Variants in RNF19A observed in about 807,000 individuals in gnomAD.
The protein encoded by RNF19A is ring finger protein 19A, RBR E3 ubiquitin protein ligase, also known as E3 ubiquitin-protein ligase RNF19A.
Under a neutral mutation model 75.7 loss-of-function variants are expected in RNF19A, and 32 were observed. The ratio of observed to expected loss-of-function variants is 0.42; its 90% CI spans 0.32 to 0.57. The LOEUF (loss-of-function observed/expected upper bound fraction) is 0.57. Ranked by LOEUF, RNF19A falls within the 20% of genes least tolerant of loss-of-function variation. The pLI is 0.10. For synonymous variants in RNF19A, 335 were observed against 345.2 expected, an observed-to-expected ratio of 0.97 and a Z score of 0.33; for missense variants, 782 against 1,036.3, an observed-to-expected ratio of 0.75 and a Z score of 3.37.
intron 1 of RNF19A, among the ~76,000 whole-genome samples, chr8:100,291,967 CTT>C (rs56737985): frequency 0.098 from 9,807 of 99,794 alleles, 285 homozygotes; most frequent in South Asian, 0.18. Flanking sequence ...AGGACTAAGT[CTT>C]TTTTTTTTTT....
chr8:100,267,982 A>T lies in RNF19A; in HGVS notation c.1191+803T>A, dbSNP rs1820066516. Among the ~76,000 whole-genome samples the T allele has an allele frequency of 3.9e-5, 6 of 152,066 alleles. No individual in the cohort carries two copies. The South Asian group carries it at 1.2e-3, about 32-fold the overall frequency. On this transcript the variant is annotated intron_variant, in intron 5 of 9. Transcript: ENST00000341084. ...GGTGAGGCACCGCACCTGGCCTGTTAGTTCCCTTTTTGAAAATTGCTATCC... is the reference window on the plus strand; with the variant it reads ...GGTGAGGCACCGCACCTGGCCTGTTTGTTCCCTTTTTGAAAATTGCTATCC...
rs1028580338 is a variant in RNF19A, at chr8:100,287,117, TAAAG to T, written c.674+380_674+383del. 6.6e-6 allele frequency among the ~76,000 whole-genome samples: 1 copy of T among 151,784 alleles called. No homozygotes were observed. Among genetic ancestry groups the T allele is most frequent in the Non-Finnish European group, 1.5e-5 (1 of 67,910 alleles). ...AACATGTCAACAAAGAGAAAAAAAA[TAAAG>T]AAGGTCATTTGAATTTATGACCACA... is the stretch of plus-strand genomic sequence containing the variant. On this transcript the variant is annotated intron_variant, in intron 2 of 9. Transcript: ENST00000341084. This position sits in a 1 kb window ranked among gnomAD's most constrained non-coding sequence, Gnocchi z 4.1.
upstream of RNF19A, chr8:100,312,236 C>A (rs1428991278): frequency 6.6e-6 from 1 of 152,244 alleles, no homozygotes; most frequent in Non-Finnish European, 1.5e-5. Flanking sequence ...GCTGCATATT[C>A]TTATGTCCAC....
In RNF19A at chr8:100,325,687, A is replaced by G. The variant is rs918149012; in HGVS notation, c.-243+10421T>C. On this transcript the variant is annotated intron_variant, in intron 1 of 3. Coordinates refer to the RNF19A transcript ENST00000519527. The surrounding 1 kb of genome is among the most constrained non-coding windows in gnomAD (Gnocchi z 4.3). ...AACTTAACAGACCGATTATCTAGTC[A>G]TTGTTATCAACCTCAATATTGCAGA... Among the ~76,000 whole-genome samples the G allele has an allele frequency of 1.3e-5, 2 of 152,130 alleles. No homozygotes were observed. The highest frequency in any genetic ancestry group is 4.8e-5 in the African/African-American group (2 of 41,420).
At chr8:100,288,508 C>T (rs1294637135) in intron 1 of RNF19A, among the ~76,000 whole-genome samples, 7 of 152,128 alleles carry the variant, frequency 4.6e-5, no homozygotes, top group Non-Finnish European at 1.0e-4. Flanking sequence ...GAAAAAACTT[C>T]TGGTCATTAT....
chr8:100,326,509 G>A (rs1448390367), intron 1 of RNF19A, among the ~76,000 whole-genome samples: 1 of 152,124 alleles, frequency 6.6e-6, no homozygotes, highest in Admixed American at 6.5e-5. Context: ...GCCAGTCCCT[G>A]CCCTAACAGA....
intron 1 of RNF19A, among the ~76,000 whole-genome samples, chr8:100,291,641 GC>G (rs1341062860): frequency 6.6e-6 from 1 of 152,150 alleles, no homozygotes; most frequent in Non-Finnish European, 1.5e-5. Context: ...AGAAGGCAGG[GC>G]AAAAAGTTTG....
chr8:100,274,309 C>T (rs1395854414), intron 3 of RNF19A, among the ~76,000 whole-genome samples: 3 of 152,190 alleles, frequency 2.0e-5, no homozygotes, highest in Non-Finnish European at 4.4e-5. Flanking sequence ...CTTCAGGGAA[C>T]AGTTTAGGTA....
intron 1 of RNF19A, among the ~76,000 whole-genome samples, chr8:100,293,389 G>C (rs868455145): frequency 6.6e-5 from 10 of 152,320 alleles, no homozygotes; most frequent in Middle Eastern, 3.4e-3. Context: ...ACTCCAGGTT[G>C]ATATCTTTAT....
chr8:100,329,919 T>G lies in RNF19A; in HGVS notation c.-243+6189A>C, dbSNP rs1324130554. 1.3e-5 allele frequency among the ~76,000 whole-genome samples: 2 copies of G among 152,180 alleles called. No individual in the cohort carries two copies. Among genetic ancestry groups the G allele is most frequent in the Non-Finnish European group, 1.5e-5 (1 of 68,036 alleles). Reference sequence around the variant, plus strand: ...CCATACATTTGCACAAATGAAAAATTTAAATACTTTCCAAAATCATGAACT... The same window carrying G: ...CCATACATTTGCACAAATGAAAAATGTAAATACTTTCCAAAATCATGAACT... On this transcript the variant is annotated intron_variant, in intron 1 of 3. Transcript: ENST00000519527. This position sits in a 1 kb window ranked among gnomAD's most constrained non-coding sequence, Gnocchi z 4.3.
chr8:100,311,712 C>G (rs1432158806), upstream of RNF19A, among the ~76,000 whole-genome samples: 3 of 74,756 alleles, frequency 4.0e-5, no homozygotes, highest in Non-Finnish European at 7.6e-5. Context: ...AGCGAGACTC[C>G]GTCTCAAAAA....
chr8:100,310,244 C>G (rs1050337767), upstream of RNF19A: 199 of 985,036 alleles, frequency 2.0e-4, 1 homozygote, highest in East Asian at 3.4e-4. Flanking sequence ...CGGCTCTGGA[C>G]GCGGCTGTTC....
rs1586610318 is a variant in RNF19A at position 100,269,793 on chromosome 8, C to A, written c.1028+76G>T. 2 of 1,218,838 alleles carry A rather than the reference C, an allele frequency of 1.6e-6. No homozygotes were observed. The highest frequency in any genetic ancestry group is 5.9e-5 in the East Asian group (2 of 33,658). 75.5% of individuals were successfully genotyped at this position (1,218,838 alleles called of 1,614,324 possible). A position where few individuals can be genotyped will look rare whatever the true frequency, so the allele number is the denominator to read the frequency against. On this transcript the variant is annotated intron_variant, in intron 4 of 9. Transcript: ENST00000341084. The surrounding 1 kb of genome is among the most constrained non-coding windows in gnomAD (Gnocchi z 5.7). ...ATCCCTTTAAGTATCTTATAAAACC[C>A]AAATTTAAGACAAGTTATTTTGTCT...
chr8:100,283,056 A>G (rs1234506691), intron 2 of RNF19A, among the ~76,000 whole-genome samples: 1 of 152,210 alleles, frequency 6.6e-6, no homozygotes, highest in Admixed American at 6.5e-5. Flanking sequence ...TGGTTCCAAA[A>G]ACAAAAAGGA....
intron 1 of RNF19A, among the ~76,000 whole-genome samples, chr8:100,321,280 A>T (rs1001085100): frequency 2.0e-5 from 3 of 152,240 alleles, no homozygotes; most frequent in Admixed American, 2.0e-4. Flanking sequence ...AGTTTATGAA[A>T]TCTTCTGAAT....
Position 100,324,823 on chromosome 8 carries a change from T to G in RNF19A, c.-243+11285A>C, listed in dbSNP as rs1490141981. ...TTCTCTTTCTTCTTCCTTCCTTCCTTCCTTCCTCCTTCTTCCTCCCTCCCT... is the reference window on the plus strand; with the variant it reads ...TTCTCTTTCTTCTTCCTTCCTTCCTGCCTTCCTCCTTCTTCCTCCCTCCCT... On this transcript the variant is annotated intron_variant, in intron 1 of 3. Transcript: ENST00000519527. This position sits in a 1 kb window ranked among gnomAD's most constrained non-coding sequence, Gnocchi z 4.2. Among the ~76,000 whole-genome samples the G allele has an allele frequency of 6.6e-6, 1 of 151,902 alleles. No individual in the cohort carries two copies. The highest frequency in any genetic ancestry group is 1.5e-5 in the Non-Finnish European group (1 of 67,948).
At chr8:100,279,779 A>C (rs1001146046) in intron 2 of RNF19A, among the ~76,000 whole-genome samples, 2 of 151,964 alleles carry the variant, frequency 1.3e-5, no homozygotes, top group African/African-American at 4.8e-5. Context: ...CGCCCACCTC[A>C]GCCTCCCAAA....
In RNF19A at chr8:100,269,744, A is replaced by G; in HGVS notation, c.1028+125T>C. On this transcript the variant is annotated intron_variant, in intron 4 of 9. Transcript: ENST00000341084. The surrounding 1 kb of genome is among the most constrained non-coding windows in gnomAD (Gnocchi z 5.7). ...AGCATAATAACTTGGTTTCTTTTAAATTTATTTAACTAGAATAAAACCAAT... is the reference window on the plus strand; with the variant it reads ...AGCATAATAACTTGGTTTCTTTTAAGTTTATTTAACTAGAATAAAACCAAT... 1 of 634,404 alleles carries G rather than the reference A, an allele frequency of 1.6e-6. No homozygotes were observed. The highest frequency in any genetic ancestry group is 2.5e-6 in the Non-Finnish European group (1 of 405,528). 39.3% of individuals were successfully genotyped at this position (634,404 alleles called of 1,614,324 possible). A position where few individuals can be genotyped will look rare whatever the true frequency, so the allele number is the denominator to read the frequency against.
At chr8:100,303,555 A>G (rs545025965) in intron 1 of RNF19A, among the ~76,000 whole-genome samples, 5 of 152,144 alleles carry the variant, frequency 3.3e-5, no homozygotes, top group Non-Finnish European at 7.4e-5. Context: ...ATGGTTCTGG[A>G]AATTTTTGCT....
Sources: gnomAD v4.1 joint callset for allele counts (sites outside exome capture counted in the v4.1 genomes callset) on GRCh38, gnomAD v4.1.1 for gene constraint, Gnocchi (gnomAD v3.1) non-coding constraint, MANE v1.5 for transcripts, NCBI Gene and HGNC (gene_info 2026-07-23, HGNC 2026-07-21) for gene names.